The following CKAP5 variants were observed in gnomAD, a reference collection of about 807,000 sequenced individuals.
CKAP5 encodes the protein cytoskeleton-associated protein 5.
In CKAP5, 27 loss-of-function variants were observed where a neutral mutation model predicts 232.8. The observed-to-expected ratio is 0.12, with a 90% CI of 0.09 to 0.16. The LOEUF (loss-of-function observed/expected upper bound fraction) is 0.16, where lower values mean the gene tolerates loss of function less well. Among genes scored for constraint, CKAP5 ranks in the 10% least tolerant of loss-of-function variants. The pLI is 1.00. For missense variants in CKAP5, 1,838 were observed against 2,424.7 expected (o/e 0.76, Z 5.08); for synonymous variants, 785 against 841.1 (o/e 0.93, Z 1.16).
chr11:46,762,212 T>A lies in CKAP5; in HGVS notation c.4028-19A>T. On this transcript the variant is annotated intron_variant, in intron 31 of 43. Coordinates refer to ENST00000529230, the MANE Select transcript of CKAP5 (RefSeq NM_001008938.4). ...AGGCACTCTGATGGGGGAGAAAGGCTAGATTAATGAGACAACACATATTTG... is the reference window on the plus strand; with the variant it reads ...AGGCACTCTGATGGGGGAGAAAGGCAAGATTAATGAGACAACACATATTTG... The A allele has an allele frequency of 6.2e-7, 1 of 1,608,564 alleles. No homozygotes were observed. The highest frequency in any genetic ancestry group is 8.5e-7 in the Non-Finnish European group (1 of 1,176,226).
At chr11:46,746,783 T>C (rs1352636971) in intron 42 of CKAP5, among the ~76,000 whole-genome samples, 4 of 152,202 alleles carry the variant, frequency 2.6e-5, no homozygotes, top group African/African-American at 9.6e-5. Context: ...TATACAAAAA[T>C]AATTGTGCTA....
intron 42 of CKAP5, among the ~76,000 whole-genome samples, chr11:46,749,694 G>C (rs764901835): frequency 1.1e-4 from 16 of 151,702 alleles, no homozygotes; most frequent in Non-Finnish European, 2.2e-4. Flanking sequence ...TGGCTCATGA[G>C]CATCATCTCA....
intron 13 of CKAP5, among the ~76,000 whole-genome samples, chr11:46,794,377 T>C (rs1485399158): frequency 1.3e-5 from 2 of 152,096 alleles, no homozygotes; most frequent in African/African-American, 2.4e-5. Flanking sequence ...GGTGGGAGGA[T>C]TGCTTGAGCC....
chr11:46,808,126 C>G lies in CKAP5; in HGVS notation c.883G>C (p.Glu295Gln). ...YDKIEAKKWQ[E>Q]RKEALESVEV... ...ACAGACTCCAGGGCCTCTTTTCTCT[C>G]TTGCCATTTTTTTGCCTCCTGCAAG... is the stretch of plus-strand genomic sequence containing the variant. Residue 295 changes from glutamate (E) to glutamine (Q), a missense_variant, in exon 8 of 44, where the codon GAG becomes CAG. Physicochemically the swap from Glu to Gln is conservative, Grantham distance 29. Around this residue, in one of 6 missense-constraint regions of CKAP5, gnomAD observed 97 missense variants for 167.7 expected, o/e 0.58. Transcript: ENST00000529230. 6.2e-7 allele frequency: 1 copy of G among 1,612,960 alleles called. No individual in the cohort carries two copies. Among genetic ancestry groups the G allele is most frequent in the Non-Finnish European group, 8.5e-7 (1 of 1,179,666 alleles).
At chr11:46,837,657 A>C (rs1033739055) in intron 1 of CKAP5, among the ~76,000 whole-genome samples, 1 of 152,048 alleles carries the variant, frequency 6.6e-6, no homozygotes, top group Non-Finnish European at 1.5e-5. Context: ...GTACTCAAAG[A>C]TCAATACAAA....
At chr11:46,777,788 GTACTT>G (rs1210099992) in intron 22 of CKAP5, among the ~76,000 whole-genome samples, 1 of 152,174 alleles carries the variant, frequency 6.6e-6, no homozygotes, top group African/African-American at 2.4e-5. Flanking sequence ...AGAGATCATA[GTACTT>G]TACAACTTTA....
chr11:46,776,234 T>C (rs1357215373), intron 24 of CKAP5, 21 bp downstream of exon 24: 2 of 1,610,598 alleles, frequency 1.2e-6, no homozygotes, highest in East Asian at 2.2e-5. Flanking sequence ...GTAATGCACA[T>C]GATTAATTTA....
At chr11:46,781,789 C>A (rs2065344019) in intron 18 of CKAP5, among the ~76,000 whole-genome samples, 1 of 152,118 alleles carries the variant, frequency 6.6e-6, no homozygotes, top group Non-Finnish European at 1.5e-5. Context: ...TTTAACCCTT[C>A]ATCCTGCTTT....
chr11:46,845,666 A>T (rs924742961), intron 1 of CKAP5, among the ~76,000 whole-genome samples: 1 of 152,226 alleles, frequency 6.6e-6, no homozygotes, highest in Non-Finnish European at 1.5e-5. Context: ...GTTGAGAGAG[A>T]GAAAGCCAGT....
chr11:46,835,705 T>C (rs1362134485), intron 1 of CKAP5, among the ~76,000 whole-genome samples: 2 of 151,982 alleles, frequency 1.3e-5, no homozygotes, highest in African/African-American at 2.4e-5. Flanking sequence ...AAGAGACAAA[T>C]CTTCCTTACA....
At chr11:46,782,062 T>G (rs1460732811) in intron 18 of CKAP5, among the ~76,000 whole-genome samples, 2 of 152,114 alleles carry the variant, frequency 1.3e-5, no homozygotes, top group Admixed American at 6.6e-5. Flanking sequence ...TGACCTCAGG[T>G]AATCTGCACA....
At chr11:46,815,929 C>A (rs545742290) in intron 4 of CKAP5, among the ~76,000 whole-genome samples, 1 of 152,124 alleles carries the variant, frequency 6.6e-6, no homozygotes, top group African/African-American at 2.4e-5. Context: ...AGCTACCAAG[C>A]GAGAATTACC....
chr11:46,784,005 C>T (rs1281321365), intron 17 of CKAP5, among the ~76,000 whole-genome samples: 2 of 151,206 alleles, frequency 1.3e-5, no homozygotes, highest in African/African-American at 4.9e-5. Flanking sequence ...TGTGTCTGAC[C>T]GAATATTTTT....
At chr11:46,831,096 T>C (rs540889636) in intron 1 of CKAP5, among the ~76,000 whole-genome samples, 54 of 152,260 alleles carry the variant, frequency 3.5e-4, no homozygotes, top group African/African-American at 1.3e-3. Flanking sequence ...CCATGACTTC[T>C]GAGAGTGTGT....
chr11:46,778,491 C>T lies in CKAP5; in HGVS notation c.2542G>A (p.Val848Ile), dbSNP rs1200417766. Reference protein sequence around the residue: ...GDEPDDGSNDVVDLLPRTEIS... With the variant: ...GDEPDDGSNDIVDLLPRTEIS... ...TCCGTCCTCGGCAAAAGATCAACGACATCATTGCTCCCGTCATCTGGTTCA... is the reference window on the plus strand; with the variant it reads ...TCCGTCCTCGGCAAAAGATCAACGATATCATTGCTCCCGTCATCTGGTTCA... Residue 848 changes from valine to isoleucine, a missense_variant, in exon 21 of 44, where the codon GTC (valine) becomes ATC (isoleucine). By Grantham distance (29) the Val-to-Ile change is conservative. Coordinates refer to ENST00000529230, the MANE Select transcript of CKAP5 (RefSeq NM_001008938.4). 6.2e-7 allele frequency: 1 copy of T among 1,614,136 alleles called. No homozygotes were observed. Among genetic ancestry groups the T allele is most frequent in the South Asian group, 1.1e-5 (1 of 91,082 alleles).
chr11:46,750,662 T>A, intron 40 of CKAP5, 51 bp from the exon 41 acceptor site: 2 of 1,380,472 alleles, frequency 1.4e-6, no homozygotes, highest in Non-Finnish European at 2.0e-6. Context: ...AGTTATTAAT[T>A]AGGAACTGAT....
chr11:46,844,844 C>G (rs1592497870), intron 1 of CKAP5, among the ~76,000 whole-genome samples: 1 of 151,898 alleles, frequency 6.6e-6, no homozygotes, highest in East Asian at 1.9e-4. Flanking sequence ...GAGAGAGAGA[C>G]GGGGTTTCAC....
chr11:46,810,500 T>C (rs552399115), intron 5 of CKAP5, among the ~76,000 whole-genome samples: 2 of 151,968 alleles, frequency 1.3e-5, no homozygotes, highest in South Asian at 4.2e-4. Flanking sequence ...TTTGTAGAGA[T>C]AGGGTTTGCC....
chr11:46,778,517 T>C lies in CKAP5; in HGVS notation c.2516A>G (p.Asp839Gly), dbSNP rs775441312. 1 of 1,614,132 alleles carries C rather than the reference T, an allele frequency of 6.2e-7. No homozygotes were observed. Among genetic ancestry groups the C allele is most frequent in the Non-Finnish European group, 8.5e-7 (1 of 1,179,988 alleles). ...TSGTDEGEDGDEPDDGSNDVV... is the reference protein window; with the variant it reads ...TSGTDEGEDGGEPDDGSNDVV... ...ATCATTGCTCCCGTCATCTGGTTCA[T>C]CTCCATCTTCTCCTTCATCTGTACC... The change falls in exon 21 of 44, where the codon GAT becomes GGT. Residue 839 changes from aspartate to glycine, a missense_variant. By Grantham distance (94) the Asp-to-Gly change is moderately conservative (BLOSUM62 -1). This residue lies in a region of CKAP5 where 767 missense variants were observed against 954.6 expected (regional missense o/e 0.80). Transcript: ENST00000529230.
Sources: allele counts gnomAD v4.1 joint callset (sites outside exome capture counted in the v4.1 genomes callset), GRCh38; gene constraint gnomAD v4.1.1; regional missense constraint gnomAD v4.1.1; transcripts MANE v1.5; gene names NCBI Gene and HGNC (gene_info 2026-07-23, HGNC 2026-07-21).